CBL: variants seen among roughly 807,000 people sequenced by gnomAD.
The protein encoded by CBL is Cbl proto-oncogene, also known as E3 ubiquitin-protein ligase CBL.
A neutral mutation model predicts 96.9 loss-of-function variants in CBL; 45 were observed. The ratio of observed to expected loss-of-function variants is 0.46; its 90% confidence interval spans 0.37 to 0.60. The LOEUF (loss-of-function observed/expected upper bound fraction) is 0.60. CBL is among the 20% of genes least tolerant of loss of function. The pLI is 0.00. For synonymous variants in CBL, 420 were observed against 426.8 expected (o/e 0.98, Z 0.20); for missense variants, 1,024 against 1,143.5 (o/e 0.90, Z 1.51).
At chr11:119,241,282 T>C (rs550967786) in intron 2 of CBL, among the ~76,000 whole-genome samples, 57 of 152,192 alleles carry the variant, frequency 3.7e-4, no homozygotes, top group Non-Finnish European at 7.5e-4. Flanking sequence ...GTTTTGCACC[T>C]GTTTTCATTT....
chr11:119,220,114 C>T (rs145118384), intron 1 of CBL, among the ~76,000 whole-genome samples: 3 of 152,210 alleles, frequency 2.0e-5, no homozygotes, highest in African/African-American at 7.2e-5. Context: ...CCTTGGCCTC[C>T]CAAAGCGTAG....
At chr11:119,270,704 C>G (rs1271333126) in intron 2 of CBL, among the ~76,000 whole-genome samples, 5 of 151,728 alleles carry the variant, frequency 3.3e-5, no homozygotes, top group Admixed American at 3.3e-4. Flanking sequence ...CCTCGGCCTC[C>G]CAAAGTGCTG....
chr11:119,244,581 ATTT>A (rs532837579), intron 2 of CBL, among the ~76,000 whole-genome samples: 9 of 104,386 alleles, frequency 8.6e-5, no homozygotes, highest in African/African-American at 1.2e-4. Flanking sequence ...TGCCCGGCTA[ATTT>A]TTTTTTTTTT....
chr11:119,256,752 T>G (rs1299312361), intron 2 of CBL, among the ~76,000 whole-genome samples: 1 of 151,268 alleles, frequency 6.6e-6, no homozygotes, highest in Admixed American at 6.6e-5. Flanking sequence ...TAAAGTCCAT[T>G]ATACCAATCT....
intron 9 of CBL, among the ~76,000 whole-genome samples, chr11:119,281,648 C>T (rs1398332151): frequency 6.6e-6 from 1 of 152,006 alleles, no homozygotes; most frequent in Admixed American, 6.6e-5. Flanking sequence ...GCGCCTGCCA[C>T]CACGCCTGGC....
chr11:119,249,249 T>A (rs1285963345), intron 2 of CBL, among the ~76,000 whole-genome samples: 1 of 152,206 alleles, frequency 6.6e-6, no homozygotes, highest in Non-Finnish European at 1.5e-5. Context: ...TGGAATATTA[T>A]TCACTCATAA....
chr11:119,307,302 G>T lies in CBL; in HGVS notation c.*7521G>T. ...AGGTAAACTCTGGACCATTCCAAGT[G>T]TCCTAGCCTTCTGATGACATTAATT... On this transcript the variant is annotated 3_prime_UTR_variant, in exon 16 of 16. Coordinates refer to ENST00000264033, the MANE Select transcript of CBL (RefSeq NM_005188.4). 1 of 232,760 alleles carries T rather than the reference G, an allele frequency of 4.3e-6. No homozygotes were observed. Among genetic ancestry groups the T allele is most frequent in the Non-Finnish European group, 8.5e-6 (1 of 117,434 alleles). 14.4% of individuals were successfully genotyped at this position (232,760 alleles called of 1,614,324 possible).
intron 1 of CBL, among the ~76,000 whole-genome samples, chr11:119,210,609 T>C (rs951607760): frequency 2.1e-5 from 3 of 145,550 alleles, no homozygotes; most frequent in Non-Finnish European, 4.5e-5. Flanking sequence ...TTCAATTTTT[T>C]TTTTTTTTTT....
intron 2 of CBL, among the ~76,000 whole-genome samples, chr11:119,254,442 C>T (rs2135282816): frequency 6.6e-6 from 1 of 152,270 alleles, no homozygotes; most frequent in African/African-American, 2.4e-5. Context: ...GCCGCCCACA[C>T]ACCTAGGCTA....
At chr11:119,210,772 T>C (rs996096632) in intron 1 of CBL, among the ~76,000 whole-genome samples, 1 of 151,954 alleles carries the variant, frequency 6.6e-6, no homozygotes, top group African/African-American at 2.4e-5. Context: ...TAAGAGACTT[T>C]AAATTCCATT....
chr11:119,260,986 C>CACT (rs1476363350), intron 2 of CBL, among the ~76,000 whole-genome samples: 4 of 138,592 alleles, frequency 2.9e-5, no homozygotes, highest in African/African-American at 1.1e-4. Flanking sequence ...CCAGGCTGGA[C>CACT]ACTACAACCT....
chr11:119,298,226 C>G (rs1039584157), intron 14 of CBL, 132 bp from the exon 15 acceptor site: 1 of 823,818 alleles, frequency 1.2e-6, no homozygotes, highest in African/African-American at 1.7e-5. Flanking sequence ...GTTTGGCCCA[C>G]AGTAGACAAT....
At chr11:119,255,818 G>A (rs192526239) in intron 2 of CBL, among the ~76,000 whole-genome samples, 81 of 152,082 alleles carry the variant, frequency 5.3e-4, no homozygotes, top group African/African-American at 1.9e-3. Flanking sequence ...GAATGATGGA[G>A]AATGGATTTT....
chr11:119,298,628 CAGTA>C (rs1950079948), intron 15 of CBL, 88 bp downstream of exon 15: 2 of 1,123,748 alleles, frequency 1.8e-6, no homozygotes, highest in South Asian at 1.2e-5. Context: ...TCTCTGGTGA[CAGTA>C]AGTCAGTATG....
chr11:119,268,323 T>C (rs1412664305), intron 2 of CBL, among the ~76,000 whole-genome samples: 1 of 152,122 alleles, frequency 6.6e-6, no homozygotes, highest in African/African-American at 2.4e-5. Context: ...ACCACATAAA[T>C]AGAAGGTAGG....
chr11:119,267,408 A>G (rs1000572426), intron 2 of CBL, among the ~76,000 whole-genome samples: 7 of 152,210 alleles, frequency 4.6e-5, no homozygotes, highest in Admixed American at 3.9e-4. Context: ...TGCATATTTT[A>G]TCTTTGATCC....
Position 119,307,908 on chromosome 11 carries a change from T to C in CBL, c.*8127T>C. Reference sequence around the variant, plus strand: ...TTAGCAGTATTTAATCATTCTCACCTGTAAAGAATAAGAAAAACAGAAGGT... The same window carrying C: ...TTAGCAGTATTTAATCATTCTCACCCGTAAAGAATAAGAAAAACAGAAGGT... On this transcript the variant is annotated 3_prime_UTR_variant, in exon 16 of 16. Coordinates refer to ENST00000264033, the MANE Select transcript of CBL (RefSeq NM_005188.4). 1 of 200,920 alleles carries C rather than the reference T, an allele frequency of 5.0e-6. No homozygotes were observed. Among genetic ancestry groups the C allele is most frequent in the Non-Finnish European group, 1.0e-5 (1 of 97,172 alleles). The allele number at this position is 200,920 out of a possible 1,614,324, so 12.4% of individuals were successfully genotyped here.
chr11:119,252,744 T>C (rs1381527662), intron 2 of CBL, among the ~76,000 whole-genome samples: 2 of 135,422 alleles, frequency 1.5e-5, no homozygotes, highest in African/African-American at 2.8e-5. Context: ...CTGGGCGTGG[T>C]GGTAGGCGCC....
In CBL at chr11:119,298,470, A is replaced by T; in HGVS notation, c.2364A>T (p.Arg788=). 6.2e-7 allele frequency: 1 copy of T among 1,614,128 alleles called. No individual in the cohort carries two copies. Among genetic ancestry groups the T allele is most frequent in the Non-Finnish European group, 8.5e-7 (1 of 1,180,018 alleles). The change falls in exon 15 of 16, where the codon CGA becomes CGT. Residue 788 remains arginine, a synonymous_variant. Transcript: ENST00000264033. Reference sequence around the variant, plus strand: ...CTGTGCCGGCCGTGCTGGCCCGCCGAACTCTCTCAGATATCTCTAATGCCA... The same window carrying T: ...CTGTGCCGGCCGTGCTGGCCCGCCGTACTCTCTCAGATATCTCTAATGCCA... The part of the protein sequence containing the change: ...KPPVPAVLAR[R]TLSDISNASS...
Sources: allele counts gnomAD v4.1 joint callset (sites outside exome capture counted in the v4.1 genomes callset), GRCh38; gene constraint gnomAD v4.1.1; transcripts MANE v1.5; gene names NCBI Gene and HGNC (gene_info 2026-07-23, HGNC 2026-07-21).